SLC19A2: variants seen among roughly 807,000 people sequenced by gnomAD.
SLC19A2 encodes thiamine transporter 1.
Under a neutral mutation model 44.7 loss-of-function variants are expected in SLC19A2, and 27 were observed. That is an observed-to-expected ratio of 0.60 (90% confidence interval 0.45 to 0.83). The LOEUF is 0.83. SLC19A2 is among the 40% of genes least tolerant of loss of function. The pLI is 0.00. For missense variants in SLC19A2, 566 were observed against 613.7 expected (o/e 0.92, Z 0.82); for synonymous variants, 239 against 243.6 (o/e 0.98, Z 0.18).
chr1:169,475,804 T>C (rs2101779815), intron 2 of SLC19A2, among the ~76,000 whole-genome samples: 1 of 152,320 alleles, frequency 6.6e-6, no homozygotes, highest in Middle Eastern at 3.4e-3. Context: ...ACCCAGGCTC[T>C]CTGGGATGAT....
Position 169,468,664 on chromosome 1 carries a change from CAT to C in SLC19A2, c.1201_1202del (p.Met401ValfsTer82), listed in dbSNP as rs1213206212. 2.5e-6 allele frequency: 4 copies of C among 1,613,770 alleles called. No homozygotes were observed. The highest frequency in any genetic ancestry group is 1.7e-5 in the Admixed American group (1 of 59,976). On this transcript the variant is annotated frameshift_variant, in exon 4 of 6. Coordinates refer to ENST00000236137, the MANE Select transcript of SLC19A2 (RefSeq NM_006996.3). LOFTEE classifies it high-confidence loss of function. Reference sequence around the variant, plus strand: ...CATACGTTGCTATCGTGATGAGTAACATGTAGATGATTCTGAAGACAACATAG... The same window carrying C: ...CATACGTTGCTATCGTGATGAGTAACGTAGATGATTCTGAAGACAACATAG... ...ASYVVFRIIY[M>X]LLITIATFQI...
chr1:169,468,706 C>T lies in SLC19A2; in HGVS notation c.1161G>A (p.Trp387Ter). 1 of 1,613,704 alleles carries T rather than the reference C, an allele frequency of 6.2e-7. No homozygotes were observed. The highest frequency in any genetic ancestry group is 8.5e-7 in the Non-Finnish European group (1 of 1,179,826). Residue 387 changes from tryptophan to a stop codon, truncating the protein, a stop_gained, in exon 4 of 6, where the codon TGG (tryptophan) becomes TGA (stop). Transcript: ENST00000236137. LOFTEE classifies it high-confidence loss of function. ...AGACAACATAGGATGCATAGCACAC[C>T]CAAATGTTACCCACAGTGTCCATGA... ...VYIMDTVGNI[W>*]VCYASYVVFR...
rs1657975087 is a variant in SLC19A2, at chr1:169,465,887, C to T, written c.1456G>A (p.Glu486Lys). ...VSVMKKCRKL[E>K]DPQSSSQVTT... is the part of the protein sequence containing the mutation. The stretch of plus-strand genomic sequence containing the variant: ...ACTTGAGAACTTGATTGTGGATCTT[C>T]CAGCTTTCTACATTTCTTCATAACA... Residue 486 changes from glutamate (E) to lysine (K), a missense_variant, in exon 6 of 6, where the codon GAA becomes AAA. Coordinates refer to ENST00000236137, the MANE Select transcript of SLC19A2 (RefSeq NM_006996.3). 1 of 1,614,036 alleles carries T rather than the reference C, an allele frequency of 6.2e-7. No homozygotes were observed. The highest frequency in any genetic ancestry group is 8.5e-7 in the Non-Finnish European group (1 of 1,179,934).
Position 169,485,899 on chromosome 1 carries a change from C to T in SLC19A2, c.-133G>A. ...AGGCCAGGACGTTCTGGACTCGCCGCCGCCTCCGGCTACAGAACCCCCAGC... is the reference window on the plus strand; with the variant it reads ...AGGCCAGGACGTTCTGGACTCGCCGTCGCCTCCGGCTACAGAACCCCCAGC... On this transcript the variant is annotated 5_prime_UTR_variant, in exon 1 of 6. Transcript: ENST00000236137. The T allele has an allele frequency of 9.4e-7, 1 of 1,063,026 alleles. No homozygotes were observed. The highest frequency in any genetic ancestry group is 1.3e-6 in the Non-Finnish European group (1 of 759,000). 65.8% of individuals were successfully genotyped at this position (1,063,026 alleles called of 1,614,324 possible).
rs926292565 is a variant in SLC19A2, at chr1:169,485,696, C to G, written c.71G>C (p.Arg24Pro). 1.5e-5 allele frequency: 23 copies of G among 1,546,434 alleles called. No homozygotes were observed. Among genetic ancestry groups the G allele is most frequent in the Admixed American group, 2.0e-5 (1 of 51,018 alleles). The change falls in exon 1 of 6, where the codon CGG (arginine) becomes CCG (proline). Residue 24 changes from arginine (R) to proline (P), a missense_variant. Transcript: ENST00000236137. The part of the protein sequence containing the change: ...AAATVLLRTA[R>P]VRRECWFLPT... ...CAAGAACCAGCATTCGCGACGGACC[C>G]GAGCGGTCCGCAGGAGCACAGTGGC...
chr1:169,468,190 A>G lies in SLC19A2; in HGVS notation c.1286T>C (p.Phe429Ser), dbSNP rs1278443868. ...RYALVFGVNT[F>S]IALALQTLLT... ...CAGCGTCTGCAGTGCCAGGGCAATGAAGGTATTTACACCAAATACTAGGGC... is the reference window on the plus strand; with the variant it reads ...CAGCGTCTGCAGTGCCAGGGCAATGGAGGTATTTACACCAAATACTAGGGC... The change falls in exon 5 of 6, where the codon TTC becomes TCC. Residue 429 changes from phenylalanine to serine, a missense_variant. Transcript: ENST00000236137. 6.2e-7 allele frequency: 1 copy of G among 1,613,984 alleles called. No homozygotes were observed. The highest frequency in any genetic ancestry group is 8.5e-7 in the Non-Finnish European group (1 of 1,179,830).
intron 1 of SLC19A2, among the ~76,000 whole-genome samples, chr1:169,481,664 T>G (rs1658447740): frequency 6.6e-6 from 1 of 152,210 alleles, no homozygotes; most frequent in Non-Finnish European, 1.5e-5. Context: ...CTCCAACTTC[T>G]CACTTCACGT....
intron 1 of SLC19A2, among the ~76,000 whole-genome samples, chr1:169,480,551 A>C (rs1658421957): frequency 6.6e-6 from 1 of 151,902 alleles, no homozygotes; most frequent in African/African-American, 2.4e-5. Flanking sequence ...TGACCTCATG[A>C]TCCGCCCGCC....
rs1245828982 is a variant in SLC19A2 at position 169,477,414 on chromosome 1, G to A, written c.548C>T (p.Ala183Val). The stretch of plus-strand genomic sequence containing the variant: ...ATTCAGGCTGAACAGCGACCAGCCT[G>A]CCACTGAGACAAGGATTTGCCCTAG... ...SVLGQILVSV[A>V]GWSLFSLNVI... Residue 183 changes from alanine (A) to valine (V), a missense_variant, in exon 2 of 6, where the codon GCA (alanine) becomes GTA (valine). By Grantham distance (64) the Ala-to-Val change is moderately conservative (BLOSUM62 0). Transcript: ENST00000236137. 2 of 1,614,068 alleles carry A rather than the reference G, an allele frequency of 1.2e-6. No individual in the cohort carries two copies. Among genetic ancestry groups the A allele is most frequent in the Non-Finnish European group, 1.7e-6 (2 of 1,180,054 alleles).
chr1:169,473,412 T>A (rs1658239590), intron 2 of SLC19A2, among the ~76,000 whole-genome samples: 2 of 147,848 alleles, frequency 1.4e-5, no homozygotes, highest in African/African-American at 5.0e-5. Context: ...TTTTTGTATT[T>A]TTTTTTTTTT....
rs927110661 is a variant in SLC19A2 at position 169,464,216 on chromosome 1, T to C, written c.*1633A>G. 2.0e-5 allele frequency: 3 copies of C among 152,538 alleles called. No homozygotes were observed. Among genetic ancestry groups the C allele is most frequent in the Non-Finnish European group, 4.4e-5 (3 of 67,984 alleles). 9.4% of individuals were successfully genotyped at this position (152,538 alleles called of 1,614,324 possible). A position where few individuals can be genotyped will look rare whatever the true frequency, so the allele number is the denominator to read the frequency against. ...CACATTCCATTAAAAAAAGATTTAATAAAATCCCTCAAACAGCACTTTTCT... is the reference window on the plus strand; with the variant it reads ...CACATTCCATTAAAAAAAGATTTAACAAAATCCCTCAAACAGCACTTTTCT... On this transcript the variant is annotated 3_prime_UTR_variant, in exon 6 of 6. Transcript: ENST00000236137.
intron 2 of SLC19A2, among the ~76,000 whole-genome samples, chr1:169,473,905 T>G (rs1658252961): frequency 6.6e-6 from 1 of 151,468 alleles, no homozygotes; most frequent in African/African-American, 2.4e-5. Flanking sequence ...CAATTACCAT[T>G]TATTGGAAAC....
rs149595229 is a variant in SLC19A2 at position 169,477,750 on chromosome 1, T to G, written c.212A>C (p.Asn71Thr). ...DKNLTEREVF[N>T]EIYPVWTYSY... ...GTAAGTCCATACTGGATAAATTTCA[T>G]TGAAGACCTGGTAGAAAGAGAAAAA... Residue 71 changes from asparagine (N) to threonine (T), a missense_variant, in exon 2 of 6, where the codon AAT becomes ACT. Physicochemically the swap from Asn to Thr is moderately conservative, Grantham distance 65. Transcript: ENST00000236137. The G allele has an allele frequency of 1.2e-6, 2 of 1,611,442 alleles. No homozygotes were observed. The highest frequency in any genetic ancestry group is 1.7e-6 in the Non-Finnish European group (2 of 1,179,032).
intron 3 of SLC19A2, 39 bp downstream of exon 3, chr1:169,469,925 C>T (rs1298766894): frequency 8.3e-6 from 13 of 1,575,374 alleles, no homozygotes; most frequent in South Asian, 2.2e-5. Flanking sequence ...AGAGGAATCC[C>T]TCCCCCACCA....
chr1:169,476,043 C>T (rs1658297129), intron 2 of SLC19A2, among the ~76,000 whole-genome samples: 1 of 152,004 alleles, frequency 6.6e-6, no homozygotes, highest in Non-Finnish European at 1.5e-5. Context: ...AGGCTTATTT[C>T]CAAACATGTC....
At chr1:169,475,216 GA>G (rs1326650534) in intron 2 of SLC19A2, among the ~76,000 whole-genome samples, 2 of 151,894 alleles carry the variant, frequency 1.3e-5, no homozygotes, top group Non-Finnish European at 2.9e-5. Flanking sequence ...AGTTGATCTA[GA>G]ACAGTTTTTA....
chr1:169,470,118 AGAG>A lies in SLC19A2; in HGVS notation c.873_875del (p.Ser292del). 1 of 1,614,150 alleles carries A rather than the reference AGAG, an allele frequency of 6.2e-7. No homozygotes were observed. The highest frequency in any genetic ancestry group is 1.3e-5 in the African/African-American group (1 of 75,040). ...ACACAGACCAGCAGAGAAGAGGGCG[AGAG>A]GAGTAGCACATCAGGAAATCATTCC... On this transcript the variant is annotated inframe_deletion, in exon 3 of 6. Transcript: ENST00000236137.
chr1:169,473,411 T>C (rs1245567652), intron 2 of SLC19A2, among the ~76,000 whole-genome samples: 5 of 53,264 alleles, frequency 9.4e-5, no homozygotes, highest in African/African-American at 5.1e-4. Context: ...GTTTTTGTAT[T>C]TTTTTTTTTT....
chr1:169,485,784 G>C lies in SLC19A2; in HGVS notation c.-18C>G. On this transcript the variant is annotated 5_prime_UTR_variant, in exon 1 of 6. Coordinates refer to ENST00000236137, the MANE Select transcript of SLC19A2 (RefSeq NM_006996.3). ...ACATCCATCCGGGGCGCGAGGGGAG[G>C]GGACCCGGCCCGGCCCCTTCCTTCT... 6.6e-7 allele frequency: 1 copy of C among 1,523,414 alleles called. No individual in the cohort carries two copies. The highest frequency in any genetic ancestry group is 8.8e-7 in the Non-Finnish European group (1 of 1,141,360). The allele number at this position is 1,523,414 out of a possible 1,614,324, so 94.4% of individuals were successfully genotyped here. A position where few individuals can be genotyped will look rare whatever the true frequency, so the allele number is the denominator to read the frequency against.
Sources: allele counts gnomAD v4.1 joint callset (sites outside exome capture counted in the v4.1 genomes callset), GRCh38; gene constraint gnomAD v4.1.1; transcripts MANE v1.5; gene names NCBI Gene and HGNC (gene_info 2026-07-23, HGNC 2026-07-21).